Variants in AGPAT3 observed in about 807,000 individuals in gnomAD.
The protein encoded by AGPAT3 is 1-acyl-sn-glycerol-3-phosphate acyltransferase gamma.
Under a neutral mutation model 47.3 loss-of-function variants are expected in AGPAT3, and 5 were observed. The ratio of observed to expected loss-of-function variants is 0.11; its 90% CI spans 0.06 to 0.22. AGPAT3 has a LOEUF of 0.22. Among genes scored for constraint, AGPAT3 ranks in the 10% least tolerant of loss-of-function variants. The pLI is 1.00. For missense variants in AGPAT3, 315 were observed against 493.0 expected, an observed-to-expected ratio of 0.64 and a Z score of 3.42; for synonymous variants, 212 against 208.3, an observed-to-expected ratio of 1.02 and a Z score of -0.15.
intron 2 of AGPAT3, among the ~76,000 whole-genome samples, chr21:43,929,853 C>G (rs1372745720): frequency 6.6e-6 from 1 of 152,252 alleles, no homozygotes; most frequent in Non-Finnish European, 1.5e-5. Context: ...TCCCGCCTGG[C>G]TGAGTGCCGA....
chr21:43,924,333 G>A (rs1454963900), intron 2 of AGPAT3, among the ~76,000 whole-genome samples: 1 of 152,082 alleles, frequency 6.6e-6, no homozygotes, highest in East Asian at 1.9e-4. Context: ...CCAGGAAAAT[G>A]TAAGGTTTTA....
intron 1 of AGPAT3, among the ~76,000 whole-genome samples, chr21:43,883,156 C>T (rs2085891663): frequency 6.6e-6 from 1 of 152,208 alleles, no homozygotes; most frequent in African/African-American, 2.4e-5. Context: ...TGGGGAGCCT[C>T]CTGCCCGGGT....
rs145330325 is a variant in AGPAT3 at position 43,914,303 on chromosome 21, A to G, written c.-49+10284A>G. On this transcript the variant is annotated intron_variant, in intron 2 of 9. Coordinates refer to ENST00000291572, the MANE Select transcript of AGPAT3 (RefSeq NM_020132.5). ...TGCACTCTTTCTCCTTGTGAATTTT[A>G]TGTCAGTGTTGCTTCATTAAAGGGA... 6.4e-3 allele frequency among the ~76,000 whole-genome samples: 973 copies of G among 152,258 alleles called. 4 individuals carry two copies. The highest frequency in any genetic ancestry group is 7.8e-3 in the Non-Finnish European group (530 of 68,010).
rs534374600 is a variant in AGPAT3 at position 43,939,330 on chromosome 21, G to A, written c.-48-20304G>A. On this transcript the variant is annotated intron_variant, in intron 2 of 9. Transcript: ENST00000291572. This position sits in a 1 kb window ranked among gnomAD's most constrained non-coding sequence, Gnocchi z 4.4. ...CCCCACCCCCGTCGCTGTTGTTGTC[G>A]GGGGCCTCCCGCGCCCCAGGAGGTT... Among the ~76,000 whole-genome samples, 8 of 152,216 alleles carry A rather than the reference G, an allele frequency of 5.3e-5. No homozygotes were observed. Among genetic ancestry groups the A allele is most frequent in the African/African-American group, 1.4e-4 (6 of 41,526 alleles).
At chr21:43,927,953 A>G (rs938309891) in intron 2 of AGPAT3, among the ~76,000 whole-genome samples, 4 of 152,126 alleles carry the variant, frequency 2.6e-5, no homozygotes, top group Non-Finnish European at 5.9e-5. Flanking sequence ...GCCTTGCCCC[A>G]AATTCTGGAA....
chr21:43,915,040 A>T lies in AGPAT3; in HGVS notation c.-49+11021A>T, dbSNP rs536713192. Among the ~76,000 whole-genome samples, 14 of 151,892 alleles carry T rather than the reference A, an allele frequency of 9.2e-5. No homozygotes were observed. The South Asian group carries it at 2.9e-3, about 32-fold the overall frequency. On this transcript the variant is annotated intron_variant, in intron 2 of 9. Transcript: ENST00000291572. ...ATTTCTGTGAGTTTTTAAAAAATGT[A>T]TTTTATTTTGATGATTATTTCCTCT...
Position 43,939,260 on chromosome 21 carries a change from C to T in AGPAT3, c.-48-20374C>T, listed in dbSNP as rs1166941798. On this transcript the variant is annotated intron_variant, in intron 2 of 9. Coordinates refer to ENST00000291572, the MANE Select transcript of AGPAT3 (RefSeq NM_020132.5). This position sits in a 1 kb window ranked among gnomAD's most constrained non-coding sequence, Gnocchi z 4.4. ...CCCTTAGGAACACCCCATCCCCGTC[C>T]CCGTGTGCTGTCGAGGGCCTCTAGC... Among the ~76,000 whole-genome samples the T allele has an allele frequency of 6.6e-6, 1 of 151,872 alleles. No homozygotes were observed. The highest frequency in any genetic ancestry group is 1.5e-5 in the Non-Finnish European group (1 of 67,914).
At chr21:43,941,737 C>T (rs937625710) in intron 2 of AGPAT3, among the ~76,000 whole-genome samples, 1 of 152,256 alleles carries the variant, frequency 6.6e-6, no homozygotes, top group African/African-American at 2.4e-5. Context: ...GCAGGCTGGC[C>T]CCAGCGAGCG....
At chr21:43,946,718 A>T (rs1401511390) in intron 2 of AGPAT3, among the ~76,000 whole-genome samples, 1 of 152,214 alleles carries the variant, frequency 6.6e-6, no homozygotes, top group African/African-American at 2.4e-5. Flanking sequence ...GTTCGTTGTA[A>T]GAAAATTATG....
At chr21:43,915,038 GT>G (rs1040189312) in intron 2 of AGPAT3, among the ~76,000 whole-genome samples, 6 of 151,960 alleles carry the variant, frequency 3.9e-5, no homozygotes, top group African/African-American at 1.2e-4. Context: ...TTTAAAAAAT[GT>G]ATTTTATTTT....
intron 2 of AGPAT3, among the ~76,000 whole-genome samples, chr21:43,906,573 C>T (rs1277569931): frequency 6.6e-6 from 1 of 151,972 alleles, no homozygotes; most frequent in Non-Finnish European, 1.5e-5. Flanking sequence ...TGGGATGGGG[C>T]GTGATGGGAC....
chr21:43,971,327 T>C, intron 6 of AGPAT3, 61 bp from the exon 7 acceptor site: 1 of 1,490,940 alleles, frequency 6.7e-7, no homozygotes, highest in South Asian at 1.1e-5. Flanking sequence ...TGCTTTTCCC[T>C]CTGGCAGTGA....
In AGPAT3 at chr21:43,984,791, CT is replaced by C. The variant is rs528477226; in HGVS notation, c.*2409del. 78 of 183,322 alleles carry C rather than the reference CT, an allele frequency of 4.3e-4. No homozygotes were observed. The highest frequency in any genetic ancestry group is 1.2e-3 in the East Asian group (8 of 6,558). 11.4% of individuals were successfully genotyped at this position (183,322 alleles called of 1,614,324 possible). A position where few individuals can be genotyped will look rare whatever the true frequency, so the allele number is the denominator to read the frequency against. The stretch of plus-strand genomic sequence containing the variant: ...TTAAATTCATAAATCCCAGAACAGT[CT>C]TTTTTTTTTCTTTTTCCTTTACACC... On this transcript the variant is annotated 3_prime_UTR_variant, in exon 10 of 10. Transcript: ENST00000291572.
intron 1 of AGPAT3, among the ~76,000 whole-genome samples, chr21:43,884,953 A>G (rs1447021501): frequency 6.6e-6 from 1 of 152,212 alleles, no homozygotes; most frequent in Non-Finnish European, 1.5e-5. Flanking sequence ...GATCGGAGTT[A>G]ACAGTGATGC....
intron 8 of AGPAT3, among the ~76,000 whole-genome samples, chr21:43,980,324 C>G (rs913278875): frequency 1.3e-4 from 20 of 151,172 alleles, no homozygotes; most frequent in African/African-American, 4.6e-4. Context: ...TGGTGCCCTT[C>G]ACTACTTCCC....
At chr21:43,865,415 G>A (rs949594140) in intron 1 of AGPAT3, 70 bp downstream of exon 1, 1 of 146,574 alleles carries the variant, frequency 6.8e-6, no homozygotes, top group Non-Finnish European at 1.5e-5. Flanking sequence ...GCCGCCCGAG[G>A]TCGCCCTCCC....
At chr21:43,943,631 G>A (rs1271064664) in intron 2 of AGPAT3, among the ~76,000 whole-genome samples, 2 of 152,180 alleles carry the variant, frequency 1.3e-5, no homozygotes, top group Admixed American at 1.3e-4. Context: ...AGAGTCTGCC[G>A]GGGCACCTCG....
rs201429215 is a variant in AGPAT3 at position 43,970,642 on chromosome 21, G to A, written c.511-11G>A. ...CTCTGTGGAGTGACCCTGTCTCCGT[G>A]TTGATCCTAGTTTCTCCTGTACTGC... On this transcript the variant is annotated splice_polypyrimidine_tract_variant and intron_variant, in intron 5 of 9. Transcript: ENST00000291572. The surrounding 1 kb of genome is among the most constrained non-coding windows in gnomAD (Gnocchi z 5.8). 16 of 1,613,402 alleles carry A rather than the reference G, an allele frequency of 9.9e-6. No individual in the cohort carries two copies. The Admixed American group carries it at 1.7e-4, about 17-fold the overall frequency.
At chr21:43,866,470 C>G (rs893502864) in intron 1 of AGPAT3, 2 of 152,166 alleles carry the variant, frequency 1.3e-5, no homozygotes, top group Admixed American at 6.5e-5. Flanking sequence ...TGCTCCGACT[C>G]GACTCGCTTA....
Sources: allele counts gnomAD v4.1 joint callset (sites outside exome capture counted in the v4.1 genomes callset), GRCh38; gene constraint gnomAD v4.1.1; non-coding constraint Gnocchi (gnomAD v3.1); transcripts MANE v1.5; gene names NCBI Gene and HGNC (gene_info 2026-07-23, HGNC 2026-07-21).